KAZN: variants seen among roughly 807,000 people sequenced by gnomAD.
KAZN encodes the protein kazrin.
KAZN carries 40 observed loss-of-function variants against 87.4 expected under a neutral mutation model. The observed-to-expected ratio is 0.46, with a 90% CI of 0.36 to 0.60. The LOEUF is 0.60. Ranked by LOEUF, KAZN falls within the 20% of genes least tolerant of loss-of-function variation. The pLI is 0.00. For synonymous variants in KAZN, 466 were observed against 458.3 expected (o/e 1.02, Z -0.22); for missense variants, 898 against 1,073.9 (o/e 0.84, Z 2.29).
chr1:14,381,312 A>G (rs550101594), intron 2 of KAZN, among the ~76,000 whole-genome samples: 61 of 152,278 alleles, frequency 4.0e-4, no homozygotes, highest in African/African-American at 1.3e-3. Context: ...CTGAACCATG[A>G]GCCATTCTAA....
At chr1:13,913,556 G>A (rs1639729219) in intron 1 of KAZN, among the ~76,000 whole-genome samples, 2 of 152,026 alleles carry the variant, frequency 1.3e-5, no homozygotes, top group Admixed American at 6.6e-5. Flanking sequence ...CTTCCCAAGG[G>A]CTCCTTCTTC....
intron 2 of KAZN, among the ~76,000 whole-genome samples, chr1:14,380,057 G>A (rs1019363456): frequency 1.3e-5 from 2 of 152,220 alleles, no homozygotes; most frequent in Admixed American, 1.3e-4. Flanking sequence ...AGAACATAAT[G>A]GAAAAGAACA....
chr1:14,960,196 G>T (rs974339861), intron 1 of KAZN, among the ~76,000 whole-genome samples: 4 of 152,140 alleles, frequency 2.6e-5, no homozygotes, highest in African/African-American at 7.2e-5. Flanking sequence ...GCCAGGCCTT[G>T]GTTCAATTCC....
At chr1:14,764,849 T>C (rs1644845919) in intron 1 of KAZN, among the ~76,000 whole-genome samples, 1 of 152,210 alleles carries the variant, frequency 6.6e-6, no homozygotes, top group Non-Finnish European at 1.5e-5. Context: ...GGGTGCTTTC[T>C]CTGGGTTATG....
Position 14,773,662 on chromosome 1 carries a change from C to T in KAZN, c.226+174439C>T, listed in dbSNP as rs1373825230. On this transcript the variant is annotated intron_variant, in intron 1 of 14. Transcript: ENST00000376030. The surrounding 1 kb of genome is among the most constrained non-coding windows in gnomAD (Gnocchi z 5.9). Reference sequence around the variant, plus strand: ...TTCTTCCTCTTCTAAAACACTGCAACCACCATAGCCAGTGCCTCTATGCAG... The same window carrying T: ...TTCTTCCTCTTCTAAAACACTGCAATCACCATAGCCAGTGCCTCTATGCAG... Among the ~76,000 whole-genome samples the T allele has an allele frequency of 6.6e-6, 1 of 152,208 alleles. No individual in the cohort carries two copies. Among genetic ancestry groups the T allele is most frequent in the African/African-American group, 2.4e-5 (1 of 41,468 alleles).
At chr1:14,607,694 G>A (rs969502625) in intron 1 of KAZN, among the ~76,000 whole-genome samples, 2 of 152,198 alleles carry the variant, frequency 1.3e-5, no homozygotes, top group African/African-American at 2.4e-5. Context: ...CTGCCTCACT[G>A]CTGGGCTGTG....
chr1:15,020,512 T>C (rs1012124985), intron 2 of KAZN, among the ~76,000 whole-genome samples: 1 of 152,136 alleles, frequency 6.6e-6, no homozygotes, highest in African/African-American at 2.4e-5. Context: ...CGTCTCTTCT[T>C]AGCACTGTTT....
At chr1:14,628,519 A>G (rs982308346) in intron 1 of KAZN, among the ~76,000 whole-genome samples, 1 of 152,246 alleles carries the variant, frequency 6.6e-6, no homozygotes, top group Non-Finnish European at 1.5e-5. Context: ...AAATGCTTCA[A>G]ATGTCAAAAG....
In KAZN at chr1:14,598,990, T is replaced by C; in HGVS notation, c.-8T>C. ...CACCTCTCTCGCCCCCAGGCCAAAA[T>C]CCTGAGCATGATGGAAGACAATAAG... On this transcript the variant is annotated 5_prime_UTR_variant, in exon 1 of 15. Transcript: ENST00000376030. This position sits in a 1 kb window ranked among gnomAD's most constrained non-coding sequence, Gnocchi z 4.2. The C allele has an allele frequency of 6.4e-7, 1 of 1,568,324 alleles. No individual in the cohort carries two copies. The highest frequency in any genetic ancestry group is 8.6e-7 in the Non-Finnish European group (1 of 1,160,940).
rs1002608269 is a variant in KAZN, at chr1:14,421,243, C to T, written c.250-177740C>T. ...GCTCCCAGTGAGTTTTAAAATATTCCTTGGAGTGATGGGGGGAATGGTTCT... is the reference window on the plus strand; with the variant it reads ...GCTCCCAGTGAGTTTTAAAATATTCTTTGGAGTGATGGGGGGAATGGTTCT... On this transcript the variant is annotated intron_variant, in intron 2 of 16. Coordinates refer to the KAZN transcript ENST00000636203. 2.6e-5 allele frequency among the ~76,000 whole-genome samples: 4 copies of T among 152,256 alleles called. 1 individual carries two copies. The highest frequency in any genetic ancestry group is 2.6e-4 in the Admixed American group (4 of 15,302).
chr1:14,482,905 G>A (rs1669158105), intron 2 of KAZN, among the ~76,000 whole-genome samples: 1 of 152,110 alleles, frequency 6.6e-6, no homozygotes, highest in African/African-American at 2.4e-5. Flanking sequence ...CTTACTAGCT[G>A]GGCAAGTATC....
intron 1 of KAZN, among the ~76,000 whole-genome samples, chr1:14,156,136 C>T (rs542959466): frequency 1.3e-5 from 2 of 152,212 alleles, no homozygotes; most frequent in South Asian, 2.1e-4. Context: ...TCCATGTATT[C>T]GTATAGTTTC....
chr1:14,347,062 A>C (rs1247201735), intron 2 of KAZN, among the ~76,000 whole-genome samples: 1 of 152,218 alleles, frequency 6.6e-6, no homozygotes, highest in Non-Finnish European at 1.5e-5. Context: ...TCAGGGAAAT[A>C]GATGTAGAAG....
chr1:15,000,238 C>T (rs1466305235), intron 2 of KAZN, among the ~76,000 whole-genome samples: 2 of 151,840 alleles, frequency 1.3e-5, no homozygotes, highest in African/African-American at 4.9e-5. Context: ...CCATGGGATG[C>T]AGGCGGCCTC....
intron 2 of KAZN, among the ~76,000 whole-genome samples, chr1:14,527,930 A>G (rs1231841801): frequency 2.0e-5 from 3 of 152,168 alleles, no homozygotes; most frequent in South Asian, 2.1e-4. Context: ...TATCCAAACT[A>G]TAGCACTTCA....
chr1:14,532,998 G>T (rs1186476662), intron 2 of KAZN, among the ~76,000 whole-genome samples: 1 of 152,076 alleles, frequency 6.6e-6, no homozygotes, highest in African/African-American at 2.4e-5. Flanking sequence ...TAATGGGATG[G>T]CTGGGTCAGA....
intron 1 of KAZN, among the ~76,000 whole-genome samples, chr1:14,726,375 C>T (rs1016609728): frequency 6.6e-6 from 1 of 152,218 alleles, no homozygotes; most frequent in African/African-American, 2.4e-5. Context: ...GTCCCTGTTC[C>T]CCACCAGAAG....
At chr1:14,490,467 G>T (rs1557754967) in intron 2 of KAZN, among the ~76,000 whole-genome samples, 2 of 151,696 alleles carry the variant, frequency 1.3e-5, no homozygotes, top group African/African-American at 2.4e-5. Context: ...GCATTTGGTT[G>T]TTTTTTTTGT....
chr1:14,876,404 C>A (rs1652774705), intron 1 of KAZN, among the ~76,000 whole-genome samples: 2 of 152,200 alleles, frequency 1.3e-5, no homozygotes, highest in Non-Finnish European at 1.5e-5. Flanking sequence ...ATTAAACATG[C>A]CTTTGGCAAC....
Sources: allele counts gnomAD v4.1 joint callset (sites outside exome capture counted in the v4.1 genomes callset), GRCh38; gene constraint gnomAD v4.1.1; non-coding constraint Gnocchi (gnomAD v3.1); transcripts MANE v1.5; gene names NCBI Gene and HGNC (gene_info 2026-07-23, HGNC 2026-07-21).